MAGI1: variants seen among roughly 807,000 people sequenced by gnomAD.
MAGI1 encodes the protein membrane associated guanylate kinase, WW and PDZ domain containing 1.
MAGI1 carries 58 observed loss-of-function variants against 139.9 expected under a neutral mutation model. The ratio of observed to expected loss-of-function variants is 0.41; its 90% CI spans 0.34 to 0.52. The LOEUF (loss-of-function observed/expected upper bound fraction) is 0.52. Among genes scored for constraint, MAGI1 ranks in the 20% least tolerant of loss-of-function variants. The pLI is 0.12. For synonymous variants in MAGI1, 812 were observed against 737.9 expected (o/e 1.10, Z -1.63); for missense variants, 1,874 against 1,901.6 (o/e 0.99, Z 0.27).
chr3:65,867,227 T>A (rs2244589), intron 1 of MAGI1, among the ~76,000 whole-genome samples: 71,790 of 152,008 alleles, frequency 0.47, 19,509 homozygotes, highest in African/African-American at 0.75. Context: ...CAGCATCCAC[T>A]GGCCACCAGT....
intron 1 of MAGI1, among the ~76,000 whole-genome samples, chr3:65,837,574 C>A (rs374319614): frequency 2.6e-5 from 4 of 152,302 alleles, no homozygotes; most frequent in East Asian, 3.9e-4. Flanking sequence ...CAGCTGCTTA[C>A]CCAACCATGG....
intron 2 of MAGI1, among the ~76,000 whole-genome samples, chr3:65,579,861 A>G (rs936138172): frequency 6.6e-6 from 1 of 151,654 alleles, no homozygotes; most frequent in Non-Finnish European, 1.5e-5. Flanking sequence ...AAAAAAAAAA[A>G]ACTCGCTCAG....
chr3:65,865,112 C>A (rs894267861), intron 1 of MAGI1, among the ~76,000 whole-genome samples: 1 of 152,176 alleles, frequency 6.6e-6, no homozygotes, highest in Non-Finnish European at 1.5e-5. Flanking sequence ...TACATAGACA[C>A]ACCTACAGAG....
At chr3:65,362,026 G>A (rs962444649) in intron 21 of MAGI1, among the ~76,000 whole-genome samples, 4 of 152,190 alleles carry the variant, frequency 2.6e-5, no homozygotes, top group Admixed American at 6.5e-5. Context: ...TAAATAAGAC[G>A]AGGCAGATCC....
intron 1 of MAGI1, among the ~76,000 whole-genome samples, chr3:65,839,194 T>C (rs2058725580): frequency 6.6e-6 from 1 of 152,144 alleles, no homozygotes; most frequent in Admixed American, 6.5e-5. Context: ...AAATTCCTAT[T>C]GCCTAGTGAT....
chr3:65,368,813 G>A (rs1469388719), intron 18 of MAGI1, among the ~76,000 whole-genome samples: 1 of 152,170 alleles, frequency 6.6e-6, no homozygotes, highest in Non-Finnish European at 1.5e-5. Flanking sequence ...CTTTGAATCA[G>A]AGTGATCTGA....
At chr3:65,841,976 G>A (rs1460490317) in intron 1 of MAGI1, among the ~76,000 whole-genome samples, 2 of 152,160 alleles carry the variant, frequency 1.3e-5, no homozygotes, top group Non-Finnish European at 2.9e-5. Flanking sequence ...AGACAAGAAG[G>A]AACTCAATCT....
At chr3:65,743,913 C>CA (rs1276583762) in intron 1 of MAGI1, among the ~76,000 whole-genome samples, 2 of 151,554 alleles carry the variant, frequency 1.3e-5, no homozygotes, top group African/African-American at 4.9e-5. Context: ...AATATATACT[C>CA]ACCAAGACAC....
chr3:65,356,887 A>G lies in MAGI1; in HGVS notation c.3880T>C (p.Cys1294Arg). 1 of 1,614,044 alleles carries G rather than the reference A, an allele frequency of 6.2e-7. No individual in the cohort carries two copies. The highest frequency in any genetic ancestry group is 1.1e-5 in the South Asian group (1 of 91,082). ...GTSRKPDSGACRPKDRAPEGR... is the reference protein window; with the variant it reads ...GTSRKPDSGARRPKDRAPEGR... The stretch of plus-strand genomic sequence containing the variant: ...TCCGGCGCCCGGTCCTTGGGTCGGC[A>G]TGCCCCGCTGTCGGGTTTCCTCGAA... Residue 1294 changes from cysteine (C) to arginine (R), a missense_variant, in exon 23 of 23, where the codon TGC becomes CGC. Physicochemically the swap from Cys to Arg is radical, Grantham distance 180. This residue lies in a region of MAGI1 where 653 missense variants were observed against 644.5 expected (regional missense o/e 1.01). Coordinates refer to ENST00000402939, the MANE Select transcript of MAGI1 (RefSeq NM_001033057.2).
chr3:65,853,096 G>C (rs544126400), intron 1 of MAGI1, among the ~76,000 whole-genome samples: 5 of 151,964 alleles, frequency 3.3e-5, no homozygotes, highest in South Asian at 2.1e-4. Context: ...TTCCCTCCGG[G>C]AACCAAGTGC....
intron 3 of MAGI1, among the ~76,000 whole-genome samples, chr3:65,493,050 C>T (rs1952167260): frequency 6.7e-6 from 1 of 149,258 alleles, no homozygotes; most frequent in East Asian, 2.0e-4. Context: ...TGCACTCCAG[C>T]CTGGGCGACA....
chr3:65,675,842 A>G (rs1242113267), intron 1 of MAGI1, among the ~76,000 whole-genome samples: 1 of 152,238 alleles, frequency 6.6e-6, no homozygotes, highest in Non-Finnish European at 1.5e-5. Context: ...TTCTGTTCCA[A>G]TACTGGAAAA....
chr3:65,612,207 G>C (rs2083160642), intron 2 of MAGI1, among the ~76,000 whole-genome samples: 1 of 151,898 alleles, frequency 6.6e-6, no homozygotes, highest in Non-Finnish European at 1.5e-5. Context: ...TTTTGGTATA[G>C]GTTGATTTTC....
At chr3:65,461,301 C>T (rs1949771406) in intron 5 of MAGI1, among the ~76,000 whole-genome samples, 1 of 151,854 alleles carries the variant, frequency 6.6e-6, no homozygotes, top group South Asian at 2.1e-4. Context: ...CTGCAACCTC[C>T]ACCTCCCAGG....
chr3:65,708,768 T>A (rs2030845350), intron 1 of MAGI1, among the ~76,000 whole-genome samples: 1 of 152,198 alleles, frequency 6.6e-6, no homozygotes, highest in South Asian at 2.1e-4. Context: ...TCTCTTCTGG[T>A]GGCTTCCAGA....
chr3:65,477,688 G>A (rs916355837), intron 4 of MAGI1, among the ~76,000 whole-genome samples: 9 of 102,324 alleles, frequency 8.8e-5, no homozygotes, highest in Admixed American at 1.2e-4. Context: ...CAAGGAACAC[G>A]CAACATTATT....
At chr3:65,499,682 G>A (rs139361140) in intron 2 of MAGI1, among the ~76,000 whole-genome samples, 1 of 152,204 alleles carries the variant, frequency 6.6e-6, no homozygotes, top group African/African-American at 2.4e-5. Flanking sequence ...CCTTTAATGT[G>A]CACTGAAGTG....
chr3:65,634,618 T>TCATG (rs2107182039), intron 1 of MAGI1, among the ~76,000 whole-genome samples: 1 of 152,320 alleles, frequency 6.6e-6, no homozygotes, highest in African/African-American at 2.4e-5. Flanking sequence ...CTTCATGAGA[T>TCATG]CATGCACTAA....
At chr3:65,496,908 A>G (rs2107682894) in intron 2 of MAGI1, among the ~76,000 whole-genome samples, 1 of 152,334 alleles carries the variant, frequency 6.6e-6, no homozygotes, top group South Asian at 2.1e-4. Context: ...GATGGATTGG[A>G]TGTTGTATGT....
Sources: allele counts gnomAD v4.1 joint callset (sites outside exome capture counted in the v4.1 genomes callset), GRCh38; gene constraint gnomAD v4.1.1; regional missense constraint gnomAD v4.1.1; transcripts MANE v1.5; gene names NCBI Gene and HGNC (gene_info 2026-07-23, HGNC 2026-07-21).